The following SLC1A1 variants were observed in gnomAD, a reference collection of about 807,000 sequenced individuals.
SLC1A1 encodes the protein excitatory amino acid transporter 3.
A neutral mutation model predicts 53.3 loss-of-function variants in SLC1A1; 43 were observed. That is an observed-to-expected ratio of 0.81 (90% CI 0.63 to 1.04). The LOEUF is 1.04. SLC1A1 is among the 50% of genes least tolerant of loss of function. SLC1A1 has a pLI of 0.00. For synonymous variants in SLC1A1, 307 were observed against 243.2 expected (o/e 1.26, Z -2.44); for missense variants, 748 against 664.9 (o/e 1.12, Z -1.37).
chr9:4,520,661 A>G (rs1816035915), intron 1 of SLC1A1, among the ~76,000 whole-genome samples: 1 of 152,254 alleles, frequency 6.6e-6, no homozygotes. Context: ...TGTTTATCCA[A>G]TAATAAATTG....
chr9:4,561,574 T>C (rs374304872), intron 3 of SLC1A1, 33 bp downstream of exon 3: 123 of 1,255,374 alleles, frequency 9.8e-5, no homozygotes, highest in Non-Finnish European at 1.4e-4. Context: ...TACTACTTTA[T>C]GTAATGGTGA....
At chr9:4,569,583 C>T (rs1033078113) in intron 6 of SLC1A1, among the ~76,000 whole-genome samples, 3 of 152,330 alleles carry the variant, frequency 2.0e-5, no homozygotes, top group Middle Eastern at 3.4e-3. Context: ...CAACTTCACA[C>T]AGGAAGGAAT....
rs1454760338 is a variant in SLC1A1, at chr9:4,576,071, T to C, written c.946T>C (p.Phe316Leu). ...FIVVRKNPFR[F>L]AMGMAQALLT... Reference sequence around the variant, plus strand: ...AGTCGTACGAAAGAACCCTTTCCGATTTGCCATGGGAATGGCCCAGGCTCT... The same window carrying C: ...AGTCGTACGAAAGAACCCTTTCCGACTTGCCATGGGAATGGCCCAGGCTCT... Residue 316 changes from phenylalanine to leucine, a missense_variant, in exon 9 of 12, where the codon TTT becomes CTT. Coordinates refer to ENST00000262352, the MANE Select transcript of SLC1A1 (RefSeq NM_004170.6). The C allele has an allele frequency of 2.5e-6, 4 of 1,613,796 alleles. No individual in the cohort carries two copies. The Admixed American group carries it at 5.0e-5, about 20-fold the overall frequency.
chr9:4,507,590 G>C (rs1192876482), intron 1 of SLC1A1, among the ~76,000 whole-genome samples: 1 of 152,228 alleles, frequency 6.6e-6, no homozygotes, highest in East Asian at 1.9e-4. Flanking sequence ...AGGGTGAACA[G>C]TTAGCAGTCA....
rs1309957397 is a variant in SLC1A1 at position 4,583,821 on chromosome 9, A to C, written c.1328+649A>C. ...AAGTTTTATTGTTATGATTAGAATG[A>C]GTTGGACCATTCAGGCCCCAATCAA... On this transcript the variant is annotated intron_variant, in intron 11 of 11. Transcript: ENST00000262352. This position sits in a 1 kb window ranked among gnomAD's most constrained non-coding sequence, Gnocchi z 4.6. Among the ~76,000 whole-genome samples the C allele has an allele frequency of 1.3e-5, 2 of 150,120 alleles. No individual in the cohort carries two copies. The highest frequency in any genetic ancestry group is 4.9e-5 in the African/African-American group (2 of 40,848).
Position 4,585,844 on chromosome 9 carries a change from G to A in SLC1A1, c.*286G>A. 9.5e-6 allele frequency: 4 copies of A among 422,104 alleles called. No individual in the cohort carries two copies. Among genetic ancestry groups the A allele is most frequent in the Non-Finnish European group, 1.7e-5 (4 of 229,024 alleles). The allele number at this position is 422,104 out of a possible 1,614,324, so 26.1% of individuals were successfully genotyped here. A position where few individuals can be genotyped will look rare whatever the true frequency, so the allele number is the denominator to read the frequency against. On this transcript the variant is annotated 3_prime_UTR_variant, in exon 12 of 12. Coordinates refer to ENST00000262352, the MANE Select transcript of SLC1A1 (RefSeq NM_004170.6). Reference sequence around the variant, plus strand: ...TTTGGAAGTACATAAAGTAATAACTGTTAGAATTAGGTAATGGATATGAAA... The same window carrying A: ...TTTGGAAGTACATAAAGTAATAACTATTAGAATTAGGTAATGGATATGAAA...
chr9:4,549,825 C>A lies in SLC1A1; in HGVS notation c.232+5118C>A, dbSNP rs1264173134. Among the ~76,000 whole-genome samples, 2 of 152,168 alleles carry A rather than the reference C, an allele frequency of 1.3e-5. No individual in the cohort carries two copies. Among genetic ancestry groups the A allele is most frequent in the African/African-American group, 2.4e-5 (1 of 41,440 alleles). The stretch of plus-strand genomic sequence containing the variant: ...TATTGCAACCACCCTGCTTGTAGAA[C>A]CTGGGAGTCTGTCCAGGTCAGGCTG... On this transcript the variant is annotated intron_variant, in intron 2 of 11. Transcript: ENST00000262352. This position sits in a 1 kb window ranked among gnomAD's most constrained non-coding sequence, Gnocchi z 4.1.
intron 10 of SLC1A1, 66 bp downstream of exon 10, chr9:4,576,829 AT>A (rs1820591663): frequency 1.4e-6 from 2 of 1,399,912 alleles, no homozygotes; most frequent in Non-Finnish European, 2.0e-6. Flanking sequence ...AAAATTGTCC[AT>A]GAAGGGACAC....
At chr9:4,514,249 AT>A (rs1821090606) in intron 1 of SLC1A1, among the ~76,000 whole-genome samples, 1 of 152,168 alleles carries the variant, frequency 6.6e-6, no homozygotes, top group Non-Finnish European at 1.5e-5. Context: ...CATGTCCAGC[AT>A]TTGCAAGAGA....
rs573647647 is a variant in SLC1A1 at position 4,569,249 on chromosome 9, C to T, written c.582+1482C>T. Among the ~76,000 whole-genome samples, 6 of 152,298 alleles carry T rather than the reference C, an allele frequency of 3.9e-5. No homozygotes were observed. In the South Asian group the frequency reaches 6.2e-4, roughly 16 times the overall value. ...AATTCAGAGTTCAGAGTTTCTCAGA[C>T]TTTAGAAAGGCCATGTGGTGTATAT... On this transcript the variant is annotated intron_variant, in intron 6 of 11. Transcript: ENST00000262352.
At chr9:4,545,463 G>T (rs570101921) in intron 2 of SLC1A1, among the ~76,000 whole-genome samples, 2 of 152,298 alleles carry the variant, frequency 1.3e-5, no homozygotes, top group East Asian at 3.9e-4. Context: ...GTGTCCTCAG[G>T]AAAAATATAG....
chr9:4,525,093 T>C (rs1816212504), intron 1 of SLC1A1, among the ~76,000 whole-genome samples: 2 of 152,188 alleles, frequency 1.3e-5, no homozygotes. Context: ...GGAAAAGTGA[T>C]ATGATCTTGG....
In SLC1A1 at chr9:4,548,621, A is replaced by G. The variant is rs1232415020; in HGVS notation, c.232+3914A>G. Among the ~76,000 whole-genome samples, 4 of 152,252 alleles carry G rather than the reference A, an allele frequency of 2.6e-5. No homozygotes were observed. The East Asian group carries it at 7.7e-4, about 29-fold the overall frequency. ...TATGTGATGATAAGGTTAAGAAGCCAAATTTACCAGGGAAATTTGAACATA... is the reference window on the plus strand; with the variant it reads ...TATGTGATGATAAGGTTAAGAAGCCGAATTTACCAGGGAAATTTGAACATA... On this transcript the variant is annotated intron_variant, in intron 2 of 11. Coordinates refer to ENST00000262352, the MANE Select transcript of SLC1A1 (RefSeq NM_004170.6).
chr9:4,554,124 G>A (rs1234590153), intron 2 of SLC1A1: 1 of 152,248 alleles, frequency 6.6e-6, no homozygotes, highest in African/African-American at 2.4e-5. Flanking sequence ...TAAGGAAACA[G>A]GAGGTTGAAG....
intron 1 of SLC1A1, among the ~76,000 whole-genome samples, chr9:4,532,843 C>T (rs550551735): frequency 2.3e-3 from 349 of 152,204 alleles, no homozygotes; most frequent in African/African-American, 8.0e-3. Flanking sequence ...AAGGGAAGCC[C>T]ATCAGACTAA....
intron 2 of SLC1A1, among the ~76,000 whole-genome samples, chr9:4,558,413 G>A (rs1185203638): frequency 6.6e-6 from 1 of 152,174 alleles, no homozygotes; most frequent in Non-Finnish European, 1.5e-5. Context: ...ATATATCCGG[G>A]AAATTGGTAG....
chr9:4,582,736 T>A (rs1278476210), intron 10 of SLC1A1, among the ~76,000 whole-genome samples: 1 of 152,210 alleles, frequency 6.6e-6, no homozygotes, highest in African/African-American at 2.4e-5. Flanking sequence ...TGCTTTCCTC[T>A]TGAGTATCTC....
At chr9:4,540,187 C>A (rs1816885310) in intron 1 of SLC1A1, among the ~76,000 whole-genome samples, 1 of 152,064 alleles carries the variant, frequency 6.6e-6, no homozygotes, top group African/African-American at 2.4e-5. Context: ...ACAGTGTTAC[C>A]TCAGGGAGGA....
intron 1 of SLC1A1, among the ~76,000 whole-genome samples, chr9:4,524,233 T>C (rs1162371300): frequency 6.6e-6 from 1 of 152,226 alleles, no homozygotes; most frequent in African/African-American, 2.4e-5. Context: ...TCAATTTTAA[T>C]ATTTACTGAC....
Sources: allele counts gnomAD v4.1 joint callset (sites outside exome capture counted in the v4.1 genomes callset), GRCh38; gene constraint gnomAD v4.1.1; non-coding constraint Gnocchi (gnomAD v3.1); transcripts MANE v1.5; gene names NCBI Gene and HGNC (gene_info 2026-07-23, HGNC 2026-07-21).